Variants in STAB2 observed in about 807,000 individuals in gnomAD.
STAB2 encodes the protein stabilin 2, also known as stabilin-2.
Under a neutral mutation model 338.1 loss-of-function variants are expected in STAB2, and 288 were observed. That is an observed-to-expected ratio of 0.85 (90% CI 0.77 to 0.94). The LOEUF is 0.94. Among genes scored for constraint, STAB2 ranks in the 40% least tolerant of loss-of-function variants. The pLI is 0.00. For missense variants in STAB2, 3,141 were observed against 3,210.1 expected, an observed-to-expected ratio of 0.98 and a Z score of 0.52; for synonymous variants, 1,202 against 1,193.3, an observed-to-expected ratio of 1.01 and a Z score of -0.15.
At chr12:103,757,820 C>T (rs1884246424) in intron 63 of STAB2, 1 of 259,930 alleles carries the variant, frequency 3.8e-6, no homozygotes, top group Non-Finnish European at 7.7e-6. Flanking sequence ...TGCTTTGGGC[C>T]TCGTGAGCTG....
chr12:103,684,945 C>A (rs374001404), intron 26 of STAB2, 44 bp from the exon 27 acceptor site: 1 of 1,593,590 alleles, frequency 6.3e-7, no homozygotes, highest in Non-Finnish European at 8.6e-7. Context: ...TCAGGTCTAA[C>A]GTTTTTGTTG....
chr12:103,664,129 T>TTTTG (rs774432121), intron 18 of STAB2, among the ~76,000 whole-genome samples: 10 of 142,364 alleles, frequency 7.0e-5, no homozygotes, highest in Non-Finnish European at 1.2e-4. Context: ...TTTTGTTTTG[T>TTTTG]TTTTGTTTGT....
Position 103,726,167 on chromosome 12 carries a change from G to A in STAB2, c.4851+4G>A, listed in dbSNP as rs1168458633. 3 of 1,613,868 alleles carry A rather than the reference G, an allele frequency of 1.9e-6. No individual in the cohort carries two copies. In the South Asian group the frequency reaches 3.3e-5, roughly 18 times the overall value. On this transcript the variant is annotated splice_donor_region_variant and intron_variant, in intron 46 of 68. Transcript: ENST00000388887. ...CCAGTATTTCTTCCAGTTGCAGGTA[G>A]GAAATATACATGTCTGTCTAGCCAT...
At position 103,749,092 on chromosome 12, in the gene STAB2, ACCCC is replaced by A. The variant is rs770508530; in HGVS notation, c.6375_6378del (p.Pro2126ValfsTer17). 5.0e-6 allele frequency: 8 copies of A among 1,613,800 alleles called. No individual in the cohort carries two copies. In the South Asian group the frequency reaches 8.8e-5, roughly 18 times the overall value. On this transcript the variant is annotated frameshift_variant, in exon 59 of 69. Coordinates refer to ENST00000388887, the MANE Select transcript of STAB2 (RefSeq NM_017564.10). LOFTEE classifies it high-confidence loss of function. The stretch of plus-strand genomic sequence containing the variant: ...GACGGGCACAGCTGCACAGAGATAG[ACCCC>A]TGTGCAGACGGCCTTAACGGAGGGT...
intron 9 of STAB2, among the ~76,000 whole-genome samples, chr12:103,646,999 C>T (rs1269429309): frequency 6.6e-6 from 1 of 151,950 alleles, no homozygotes; most frequent in Non-Finnish European, 1.5e-5. Context: ...GGCATAACAG[C>T]CTAAAAAAAG....
Position 103,763,680 on chromosome 12 carries a change from A to T in STAB2, c.7605+72A>T, listed in dbSNP as rs1453985831. On this transcript the variant is annotated intron_variant, in intron 68 of 68. Transcript: ENST00000388887. ...GGAATGATGTCTTTTAGGAAATTTC[A>T]GTGGAGATCTTTGTACCAAAGAAGG... 3.0e-6 allele frequency: 4 copies of T among 1,337,820 alleles called. No individual in the cohort carries two copies. In the African/African-American group the frequency reaches 4.4e-5, roughly 15 times the overall value. The allele number at this position is 1,337,820 out of a possible 1,614,324, so 82.9% of individuals were successfully genotyped here.
intron 25 of STAB2, among the ~76,000 whole-genome samples, chr12:103,680,133 G>A (rs1876765089): frequency 6.6e-6 from 1 of 152,176 alleles, no homozygotes; most frequent in African/African-American, 2.4e-5. Context: ...AGTAGGGAGA[G>A]GAACGAGGAG....
rs148399795 is a variant in STAB2 at position 103,606,470 on chromosome 12, T to A, written c.331+11960T>A. Among the ~76,000 whole-genome samples the A allele has an allele frequency of 3.8e-3, 576 of 152,344 alleles. 6 individuals carry two copies. The highest frequency in any genetic ancestry group is 0.013 in the African/African-American group (557 of 41,580). On this transcript the variant is annotated intron_variant, in intron 3 of 68. Coordinates refer to ENST00000388887, the MANE Select transcript of STAB2 (RefSeq NM_017564.10). ...TCATTCTTTTATGTGGATACAGATT[T>A]GTATCTGGTATTTTTTTTCTTCCTG...
intron 44 of STAB2, 82 bp from the exon 45 acceptor site, chr12:103,724,893 C>G: frequency 1.3e-6 from 2 of 1,567,808 alleles, no homozygotes; most frequent in South Asian, 2.3e-5. Context: ...AATTCAAACG[C>G]AGAATTGCTT....
intron 63 of STAB2, among the ~76,000 whole-genome samples, chr12:103,757,000 T>A (rs921021345): frequency 0.067 from 1,007 of 15,024 alleles, 17 homozygotes; most frequent in African/African-American, 0.31. Context: ...AGGGAAAATA[T>A]ATATATATAT....
At position 103,766,327 on chromosome 12, in the gene STAB2, G is replaced by A. The variant is rs1884961680; in HGVS notation, c.7647G>A (p.Arg2549=). The change falls in exon 69 of 69, where the codon AGG becomes AGA. Residue 2549 remains arginine (R), a synonymous_variant. Coordinates refer to ENST00000388887, the MANE Select transcript of STAB2 (RefSeq NM_017564.10). ...ERQLEGNDPL[R]TL ...AGCTTGAGGGCAATGACCCCTTGAG[G>A]ACACTGTGAGGGCCTGGACGGGAGA... 2.5e-6 allele frequency: 4 copies of A among 1,612,952 alleles called. No individual in the cohort carries two copies. The highest frequency in any genetic ancestry group is 3.4e-6 in the Non-Finnish European group (4 of 1,179,262).
At chr12:103,711,053 T>A (rs1879809489) in intron 39 of STAB2, among the ~76,000 whole-genome samples, 1 of 152,108 alleles carries the variant, frequency 6.6e-6, no homozygotes, top group Non-Finnish European at 1.5e-5. Context: ...CAGCACTCCA[T>A]AATAAAATGA....
intron 22 of STAB2, among the ~76,000 whole-genome samples, chr12:103,673,373 GT>G (rs951888433): frequency 1.3e-4 from 20 of 151,636 alleles, no homozygotes; most frequent in African/African-American, 4.6e-4. Context: ...TTGAGACAGG[GT>G]CTCACTCTGT....
At chr12:103,697,154 G>T (rs1878478709) in intron 33 of STAB2, among the ~76,000 whole-genome samples, 1 of 152,122 alleles carries the variant, frequency 6.6e-6, no homozygotes. Flanking sequence ...GAGGTGAGCT[G>T]CTCTCTCCCG....
In STAB2 at chr12:103,693,772, A is replaced by T. The variant is rs149687341; in HGVS notation, c.3375+883A>T. Among the ~76,000 whole-genome samples the T allele has an allele frequency of 1.5e-4, 23 of 152,312 alleles. No individual in the cohort carries two copies. In the East Asian group the frequency reaches 4.2e-3, roughly 28 times the overall value. On this transcript the variant is annotated intron_variant, in intron 31 of 68. Transcript: ENST00000388887. Reference sequence around the variant, plus strand: ...CATATTAGGATCTTCATTTAAAATGAAAGTTGCAAGTTGGAATTTAGGGTA... The same window carrying T: ...CATATTAGGATCTTCATTTAAAATGTAAGTTGCAAGTTGGAATTTAGGGTA...
At position 103,756,418 on chromosome 12, in the gene STAB2, C is replaced by T. The variant is rs1021296336; in HGVS notation, c.6987+700C>T. On this transcript the variant is annotated intron_variant, in intron 63 of 68. Transcript: ENST00000388887. ...TCCATAAGGGAAAGGATTTTCTTTG[C>T]CTTGACCACCATTGTCTCCCCAAAC... Among the ~76,000 whole-genome samples, 6 of 152,318 alleles carry T rather than the reference C, an allele frequency of 3.9e-5. No individual in the cohort carries two copies. The South Asian group carries it at 6.2e-4, about 16-fold the overall frequency.
At chr12:103,709,857 A>G (rs1360058378) in intron 39 of STAB2, among the ~76,000 whole-genome samples, 1 of 152,196 alleles carries the variant, frequency 6.6e-6, no homozygotes, top group Non-Finnish European at 1.5e-5. Flanking sequence ...GAATCCCCAG[A>G]ATAAATACAA....
chr12:103,631,800 C>A, intron 6 of STAB2, 107 bp downstream of exon 6: 16 of 995,402 alleles, frequency 1.6e-5, no homozygotes, highest in South Asian at 6.4e-5. Context: ...AAGGTACTAC[C>A]AAAAGTTTTC....
chr12:103,620,921 AC>A (rs1170396430), intron 4 of STAB2, among the ~76,000 whole-genome samples: 4 of 151,844 alleles, frequency 2.6e-5, no homozygotes, highest in Admixed American at 6.6e-5. Context: ...GCATGGTGAA[AC>A]CCCGTCTCCA....
Sources: gnomAD v4.1 joint callset for allele counts (sites outside exome capture counted in the v4.1 genomes callset) on GRCh38, gnomAD v4.1.1 for gene constraint, MANE v1.5 for transcripts, NCBI Gene and HGNC (gene_info 2026-07-23, HGNC 2026-07-21) for gene names.